RELN: variants seen among roughly 807,000 people sequenced by gnomAD.
The protein encoded by RELN is reelin.
RELN carries 108 observed loss-of-function variants against 427.6 expected under a neutral mutation model. The ratio of observed to expected loss-of-function variants is 0.25; its 90% CI spans 0.22 to 0.30. RELN has a LOEUF of 0.30. RELN is among the 10% of genes least tolerant of loss of function. RELN has a pLI of 1.00. For missense variants in RELN, 3,715 were observed against 4,302.8 expected (o/e 0.86, Z 3.82); for synonymous variants, 1,524 against 1,513.4 (o/e 1.01, Z -0.16).
At chr7:103,486,134 A>G in intron 61 of RELN, 63 bp downstream of exon 61, 1 of 1,463,514 alleles carries the variant, frequency 6.8e-7, no homozygotes, top group African/African-American at 1.4e-5. Context: ...CTAACAGACA[A>G]TGGACAATCA....
At chr7:103,887,734 T>C (rs1794756045) in intron 2 of RELN, among the ~76,000 whole-genome samples, 2 of 152,032 alleles carry the variant, frequency 1.3e-5, no homozygotes, top group Admixed American at 1.3e-4. Context: ...GGAGGTGCCC[T>C]GTCTTTCCCC....
At chr7:103,521,987 G>C (rs1394319771) in intron 48 of RELN, 35 bp downstream of exon 48, 2 of 1,608,090 alleles carry the variant, frequency 1.2e-6, no homozygotes, top group Admixed American at 3.3e-5. Flanking sequence ...AACTTAAGAA[G>C]AGCAGAAATG....
chr7:103,604,829 T>TTC (rs929646532), intron 22 of RELN, among the ~76,000 whole-genome samples: 4 of 109,572 alleles, frequency 3.7e-5, no homozygotes, highest in African/African-American at 1.5e-4. Flanking sequence ...GAACCTATCT[T>TTC]TCTTTTTTTT....
At chr7:103,891,722 T>C (rs893753857) in intron 2 of RELN, among the ~76,000 whole-genome samples, 4 of 152,160 alleles carry the variant, frequency 2.6e-5, no homozygotes, top group African/African-American at 9.6e-5. Context: ...TATCTCATGT[T>C]ACTATCTATT....
intron 4 of RELN, among the ~76,000 whole-genome samples, chr7:103,762,925 C>T (rs1386887356): frequency 6.6e-6 from 1 of 152,080 alleles, no homozygotes; most frequent in Admixed American, 6.5e-5. Context: ...TAATACATGC[C>T]ATTTTGAGAT....
chr7:103,594,966 A>G (rs571424934), intron 25 of RELN, among the ~76,000 whole-genome samples: 1 of 152,332 alleles, frequency 6.6e-6, no homozygotes, highest in East Asian at 1.9e-4. Flanking sequence ...ATTTTGATGT[A>G]TCTCTTCACA....
At chr7:103,499,869 A>G (rs1258034006) in intron 53 of RELN, among the ~76,000 whole-genome samples, 1 of 152,238 alleles carries the variant, frequency 6.6e-6, no homozygotes, top group African/African-American at 2.4e-5. Context: ...TCAAAAGTTT[A>G]TTAATTACCT....
intron 3 of RELN, among the ~76,000 whole-genome samples, chr7:103,813,161 T>C (rs1415158956): frequency 6.6e-6 from 1 of 152,126 alleles, no homozygotes. Flanking sequence ...GGAAACCCTT[T>C]CTCTTTCTAC....
intron 51 of RELN, 33 bp from the exon 52 acceptor site, chr7:103,503,263 A>C: frequency 6.3e-7 from 1 of 1,589,512 alleles, no homozygotes; most frequent in South Asian, 1.1e-5. Flanking sequence ...CAAGGTATTA[A>C]AACTATATGA....
intron 31 of RELN, among the ~76,000 whole-genome samples, 192 bp downstream of exon 31, chr7:103,571,992 G>A (rs1830892248): frequency 6.6e-6 from 1 of 152,080 alleles, no homozygotes; most frequent in Admixed American, 6.6e-5. Context: ...ATATATTTCA[G>A]GCCTAAGGAT....
chr7:103,791,825 A>T (rs1472128557), intron 3 of RELN, among the ~76,000 whole-genome samples: 1 of 152,224 alleles, frequency 6.6e-6, no homozygotes, highest in Non-Finnish European at 1.5e-5. Flanking sequence ...TTTGCAAATC[A>T]TATATCTGAT....
At chr7:103,631,977 T>C (rs1430158899) in intron 19 of RELN, among the ~76,000 whole-genome samples, 2 of 152,190 alleles carry the variant, frequency 1.3e-5, no homozygotes, top group Non-Finnish European at 2.9e-5. Flanking sequence ...AACATAACAA[T>C]TGAAAACTAG....
At chr7:103,541,941 G>T (rs572870977) in intron 43 of RELN, among the ~76,000 whole-genome samples, 1 of 152,262 alleles carries the variant, frequency 6.6e-6, no homozygotes, top group Non-Finnish European at 1.5e-5. Context: ...GAAAAAGAAG[G>T]GGTAAAAATG....
intron 48 of RELN, among the ~76,000 whole-genome samples, chr7:103,521,180 C>T (rs1829700843): frequency 1.3e-5 from 2 of 150,832 alleles, no homozygotes; most frequent in African/African-American, 4.9e-5. Context: ...GGGGTTTCAC[C>T]TTGTTAGCCA....
At chr7:103,721,885 G>T (rs1790084532) in intron 8 of RELN, among the ~76,000 whole-genome samples, 1 of 152,064 alleles carries the variant, frequency 6.6e-6, no homozygotes, top group Non-Finnish European at 1.5e-5. Context: ...TCACGCTACA[G>T]TTAAAAAAAT....
chr7:103,762,628 G>A (rs894420276), intron 4 of RELN, among the ~76,000 whole-genome samples: 1 of 152,184 alleles, frequency 6.6e-6, no homozygotes, highest in African/African-American at 2.4e-5. Flanking sequence ...AAAAATGCTA[G>A]CTGAATGGAT....
chr7:103,940,336 T>TA (rs1215986717), intron 1 of RELN, among the ~76,000 whole-genome samples: 5 of 152,242 alleles, frequency 3.3e-5, no homozygotes, highest in African/African-American at 1.2e-4. Flanking sequence ...TGAATTTTTC[T>TA]AGAAGGCTGT....
chr7:103,754,656 G>A (rs1459053172), intron 4 of RELN, among the ~76,000 whole-genome samples: 1 of 152,060 alleles, frequency 6.6e-6, no homozygotes. Context: ...CACGCCTGTA[G>A]TCCTAGCTAC....
chr7:103,720,200 T>C (rs1240488117), intron 8 of RELN, among the ~76,000 whole-genome samples: 1 of 151,698 alleles, frequency 6.6e-6, no homozygotes, highest in Non-Finnish European at 1.5e-5. Context: ...TGTGTGTGTG[T>C]GTATTTGAAA....
Sources: allele counts gnomAD v4.1 joint callset (sites outside exome capture counted in the v4.1 genomes callset), GRCh38; gene constraint gnomAD v4.1.1; transcripts MANE v1.5; gene names NCBI Gene and HGNC (gene_info 2026-07-23, HGNC 2026-07-21).